Variants in SETBP1 observed in about 807,000 individuals in gnomAD.
SETBP1 encodes the protein SET binding protein 1.
A neutral mutation model predicts 101.0 loss-of-function variants in SETBP1; 9 were observed. The ratio of observed to expected loss-of-function variants is 0.09; its 90% CI spans 0.05 to 0.16. The LOEUF (loss-of-function observed/expected upper bound fraction) is 0.16. Ranked by LOEUF, SETBP1 falls within the 10% of genes least tolerant of loss-of-function variation. SETBP1 has a pLI of 1.00. For synonymous variants in SETBP1, 818 were observed against 788.5 expected, an observed-to-expected ratio of 1.04 and a Z score of -0.63; for missense variants, 1,858 against 2,033.8, an observed-to-expected ratio of 0.91 and a Z score of 1.66.
intron 2 of SETBP1, among the ~76,000 whole-genome samples, chr18:44,806,713 G>A (rs2071748415): frequency 1.5e-5 from 2 of 130,720 alleles, no homozygotes; most frequent in South Asian, 5.0e-4. Flanking sequence ...ACATTGCCCA[G>A]GCTGGAGTGC....
Position 44,725,433 on chromosome 18 carries a change from T to A in SETBP1, c.486+23601T>A, listed in dbSNP as rs905176575. On this transcript the variant is annotated intron_variant, in intron 2 of 5. Transcript: ENST00000649279. ...TGTGTGTGGAGGGGCAGAGTCTGGGTTTGGGGAAGTAGTTAGGAAACAAAG... is the reference window on the plus strand; with the variant it reads ...TGTGTGTGGAGGGGCAGAGTCTGGGATTGGGGAAGTAGTTAGGAAACAAAG... 1.5e-4 allele frequency among the ~76,000 whole-genome samples: 23 copies of A among 151,918 alleles called. 1 individual carries two copies. Among genetic ancestry groups the A allele is most frequent in the African/African-American group, 5.1e-4 (21 of 41,316 alleles).
intron 2 of SETBP1, among the ~76,000 whole-genome samples, chr18:44,862,550 T>C (rs1471911074): frequency 6.6e-6 from 1 of 152,192 alleles, no homozygotes; most frequent in Non-Finnish European, 1.5e-5. Flanking sequence ...CCATTTGAAC[T>C]AATGCCTTTT....
chr18:44,889,749 G>A (rs2144775986), intron 3 of SETBP1, among the ~76,000 whole-genome samples: 1 of 152,232 alleles, frequency 6.6e-6, no homozygotes. Context: ...TACATAGAAA[G>A]AACAGATAAA....
At chr18:44,812,782 A>G (rs1028126470) in intron 2 of SETBP1, among the ~76,000 whole-genome samples, 1 of 152,210 alleles carries the variant, frequency 6.6e-6, no homozygotes. Context: ...GGAAAAGGAT[A>G]CCTTATGGGG....
chr18:44,887,162 A>C (rs2069667373), intron 3 of SETBP1, among the ~76,000 whole-genome samples: 1 of 152,110 alleles, frequency 6.6e-6, no homozygotes, highest in Non-Finnish European at 1.5e-5. Flanking sequence ...ACTCCCTTTG[A>C]GTGTTACTGG....
At chr18:44,761,285 TC>T (rs1373032195) in intron 2 of SETBP1, among the ~76,000 whole-genome samples, 3 of 152,228 alleles carry the variant, frequency 2.0e-5, no homozygotes, top group Non-Finnish European at 4.4e-5. Context: ...TTCAAAATTT[TC>T]TTTTCTAGCT....
upstream of SETBP1, chr18:44,680,809 T>C (rs961583252): frequency 1.3e-5 from 2 of 150,288 alleles, no homozygotes; most frequent in African/African-American, 2.4e-5. Context: ...CTGGCGGGTT[T>C]GGCGTTGGTG....
intron 1 of SETBP1, among the ~76,000 whole-genome samples, chr18:44,687,405 T>C (rs2068857093): frequency 6.6e-6 from 1 of 152,142 alleles, no homozygotes; most frequent in Non-Finnish European, 1.5e-5. Flanking sequence ...TTAATGCCCT[T>C]TGCTAAATGT....
At chr18:44,683,438 T>A (rs1455977780) in intron 1 of SETBP1, among the ~76,000 whole-genome samples, 2 of 152,190 alleles carry the variant, frequency 1.3e-5, no homozygotes, top group African/African-American at 4.8e-5. Flanking sequence ...GGCAGGATTT[T>A]GCTGAAGAAG....
At chr18:45,000,976 C>T (rs2072606389) in intron 4 of SETBP1, among the ~76,000 whole-genome samples, 1 of 152,136 alleles carries the variant, frequency 6.6e-6, no homozygotes, top group South Asian at 2.1e-4. Context: ...TGAAACAGCC[C>T]AGGTCCTGAC....
chr18:44,960,204 C>T (rs546814723), intron 4 of SETBP1, among the ~76,000 whole-genome samples: 1 of 151,946 alleles, frequency 6.6e-6, no homozygotes, highest in South Asian at 2.1e-4. Context: ...GCCCATAGTG[C>T]CGTTTTATTG....
chr18:44,696,036 C>T (rs530466669), intron 1 of SETBP1, among the ~76,000 whole-genome samples: 3 of 152,210 alleles, frequency 2.0e-5, no homozygotes, highest in Admixed American at 2.0e-4. Flanking sequence ...TGACAATGGC[C>T]TGTATGTGCA....
intron 2 of SETBP1, among the ~76,000 whole-genome samples, chr18:44,705,705 T>C (rs1461423742): frequency 6.6e-6 from 1 of 152,218 alleles, no homozygotes; most frequent in Non-Finnish European, 1.5e-5. Context: ...ATAGGCTAGT[T>C]CTCTGTGATG....
At chr18:44,814,878 A>G (rs1369094786) in intron 2 of SETBP1, among the ~76,000 whole-genome samples, 1 of 152,250 alleles carries the variant, frequency 6.6e-6, no homozygotes, top group Non-Finnish European at 1.5e-5. Context: ...AGGTGTGTAG[A>G]GGTGGCTATT....
chr18:45,058,051 C>T (rs1251733214), intron 5 of SETBP1, among the ~76,000 whole-genome samples: 1 of 152,198 alleles, frequency 6.6e-6, no homozygotes, highest in African/African-American at 2.4e-5. Context: ...CCAGCTCAAC[C>T]ATTTGCATGG....
At chr18:44,801,120 G>A (rs113410977) in intron 2 of SETBP1, among the ~76,000 whole-genome samples, 3 of 152,070 alleles carry the variant, frequency 2.0e-5, no homozygotes, top group Non-Finnish European at 2.9e-5. Context: ...ATCACACACC[G>A]GGGCCTGTCG....
intron 4 of SETBP1, among the ~76,000 whole-genome samples, chr18:44,961,264 G>C (rs1318348888): frequency 6.6e-6 from 1 of 152,226 alleles, no homozygotes; most frequent in Admixed American, 6.5e-5. Context: ...GAAGTGATCA[G>C]CAGAGCCAGA....
chr18:44,918,758 T>C (rs1471406398), intron 3 of SETBP1, among the ~76,000 whole-genome samples: 2 of 152,208 alleles, frequency 1.3e-5, no homozygotes, highest in Admixed American at 1.3e-4. Flanking sequence ...GACTATATAA[T>C]ATGGCAAGAG....
At chr18:44,938,628 G>C (rs2145034418) in intron 3 of SETBP1, among the ~76,000 whole-genome samples, 1 of 152,342 alleles carries the variant, frequency 6.6e-6, no homozygotes, top group East Asian at 1.9e-4. Context: ...TTGTGAGCCA[G>C]GTTCTTGTCA....
Sources: allele counts gnomAD v4.1 joint callset (sites outside exome capture counted in the v4.1 genomes callset), GRCh38; gene constraint gnomAD v4.1.1; transcripts MANE v1.5; gene names NCBI Gene and HGNC (gene_info 2026-07-23, HGNC 2026-07-21).